The following NDUFAF6 variants were observed in gnomAD, a reference collection of about 807,000 sequenced individuals.
The protein encoded by NDUFAF6 is NADH dehydrogenase (ubiquinone) complex I, assembly factor 6.
NDUFAF6 carries 45 observed loss-of-function variants against 40.8 expected under a neutral mutation model. That is an observed-to-expected ratio of 1.10 (90% CI 0.87 to 1.42). NDUFAF6 has a LOEUF of 1.42. NDUFAF6 is among the 40% of genes most tolerant of loss of function. The probability of loss-of-function intolerance (pLI) is 0.00; values close to 1 mark genes in which losing one functional copy is unlikely to be tolerated. For missense variants in NDUFAF6, 435 were observed against 418.5 expected (o/e 1.04, Z -0.34); for synonymous variants, 185 against 155.9 (o/e 1.19, Z -1.39).
intron 2 of NDUFAF6, among the ~76,000 whole-genome samples, chr8:95,089,366 C>T (rs1809172718): frequency 6.6e-6 from 1 of 152,162 alleles, no homozygotes; most frequent in Non-Finnish European, 1.5e-5. Flanking sequence ...AGCCACCGTA[C>T]CCAGCCTCCA....
At chr8:94,911,119 G>A (rs1408405403) in intron 1 of NDUFAF6, among the ~76,000 whole-genome samples, 7 of 152,182 alleles carry the variant, frequency 4.6e-5, no homozygotes, top group South Asian at 2.1e-4. Context: ...ATTTGTTACC[G>A]TGAGAGCAGA....
chr8:95,105,066 CAGAGAGAGAGAGAGAGAGAG>C (rs55705930), downstream of NDUFAF6, among the ~76,000 whole-genome samples: 87 of 72,882 alleles, frequency 1.2e-3, 1 homozygote, highest in African/African-American at 2.7e-3. Context: ...CACACACACA[CAGAGAGAGAGAGAGAGAGAG>C]AGAGAGAGAG....
At chr8:94,918,380 G>A (rs1819276761) in intron 1 of NDUFAF6, among the ~76,000 whole-genome samples, 1 of 152,140 alleles carries the variant, frequency 6.6e-6, no homozygotes, top group Non-Finnish European at 1.5e-5. Flanking sequence ...TAAGCTGCCA[G>A]GGAAGCCACC....
At chr8:94,979,940 A>T (rs77275192) in intron 1 of NDUFAF6, among the ~76,000 whole-genome samples, 9 of 151,912 alleles carry the variant, frequency 5.9e-5, no homozygotes, top group African/African-American at 1.7e-4. Context: ...TACTGAAAAT[A>T]AAAAAAATCA....
intron 1 of NDUFAF6, chr8:94,926,824 A>C (rs1353435032): frequency 1.3e-5 from 2 of 152,234 alleles, no homozygotes; most frequent in Admixed American, 1.3e-4. Context: ...AAACTGATAC[A>C]TGGCAAGGCT....
chr8:94,910,473 C>T (rs150920661), intron 1 of NDUFAF6, among the ~76,000 whole-genome samples: 1 of 152,186 alleles, frequency 6.6e-6, no homozygotes, highest in Admixed American at 6.5e-5. Context: ...TTGATAGAGG[C>T]CTCTGAGCTT....
intron 9 of NDUFAF6, among the ~76,000 whole-genome samples, chr8:95,070,543 C>A (rs2132031499): frequency 6.6e-6 from 1 of 152,260 alleles, no homozygotes; most frequent in Middle Eastern, 3.4e-3. Flanking sequence ...TTTACTTCTT[C>A]TAACTTCAGA....
intron 9 of NDUFAF6, among the ~76,000 whole-genome samples, chr8:95,065,718 A>T (rs140182633): frequency 0.029 from 4,423 of 152,180 alleles, 76 homozygotes; most frequent in Non-Finnish European, 0.044. Context: ...ATATTCTCTG[A>T]AAAGCCAGCA....
intron 1 of NDUFAF6, among the ~76,000 whole-genome samples, chr8:94,970,253 C>CAAA (rs891358442): frequency 1.2e-3 from 75 of 60,892 alleles, no homozygotes; most frequent in Admixed American, 2.3e-3. Context: ...GACTCCGTCT[C>CAAA]AAAAAAAAAA....
At chr8:95,054,143 C>T (rs1291666777) in intron 8 of NDUFAF6, among the ~76,000 whole-genome samples, 1 of 150,824 alleles carries the variant, frequency 6.6e-6, no homozygotes, top group East Asian at 2.0e-4. Flanking sequence ...GATGGAATCT[C>T]AGTATGTTGT....
At position 94,919,967 on chromosome 8, in the gene NDUFAF6, A is replaced by AT. The variant is rs535300869; in HGVS notation, c.-936+24049dup. Among the ~76,000 whole-genome samples the AT allele has an allele frequency of 6.6e-4, 100 of 151,810 alleles. No homozygotes were observed. In the South Asian group the frequency reaches 0.011, roughly 16 times the overall value. Reference sequence around the variant, plus strand: ...AGCAGATTCAGGAAGGCTCTGTGGGATTTTTTTTTAACATAGAATTTCCTA... The same window carrying AT: ...AGCAGATTCAGGAAGGCTCTGTGGGATTTTTTTTTTAACATAGAATTTCCTA... On this transcript the variant is annotated intron_variant, in intron 1 of 14. Coordinates refer to the NDUFAF6 transcript ENST00000396113.
At position 94,977,895 on chromosome 8, in the gene NDUFAF6, A is replaced by G. The variant is rs574502823; in HGVS notation, c.-198-2964A>G. On this transcript the variant is annotated intron_variant, in intron 1 of 9. Transcript: ENST00000396111. The stretch of plus-strand genomic sequence containing the variant: ...AAGCTCTGTGACATTATGATATAAT[A>G]AAACATATCAGTGGTTTTCCTCCCC... Among the ~76,000 whole-genome samples the G allele has an allele frequency of 2.0e-5, 3 of 152,296 alleles. No individual in the cohort carries two copies. The South Asian group carries it at 6.2e-4, about 32-fold the overall frequency.
chr8:94,932,422 G>T (rs1386458643), intron 1 of NDUFAF6, among the ~76,000 whole-genome samples: 1 of 152,214 alleles, frequency 6.6e-6, no homozygotes, highest in Admixed American at 6.5e-5. Context: ...TTCATTTCCT[G>T]CTAAGAAAAC....
intron 1 of NDUFAF6, chr8:94,927,896 C>T (rs1039519122): frequency 8.4e-6 from 1 of 119,680 alleles, no homozygotes; most frequent in Non-Finnish European, 1.8e-5. Flanking sequence ...TTGTAAACCA[C>T]TAATATTTAC....
chr8:95,032,939 C>T (rs908027878), intron 2 of NDUFAF6, among the ~76,000 whole-genome samples: 3 of 152,194 alleles, frequency 2.0e-5, no homozygotes, highest in Non-Finnish European at 4.4e-5. Flanking sequence ...TTTTTCACCT[C>T]ATCCTTTTTC....
intron 1 of NDUFAF6, among the ~76,000 whole-genome samples, chr8:94,898,758 GTC>G (rs771514737): frequency 6.6e-6 from 1 of 152,114 alleles, no homozygotes; most frequent in Non-Finnish European, 1.5e-5. Context: ...TTAGAGATTT[GTC>G]TCTTTTTCCC....
chr8:94,948,021 G>T (rs1466638312), intron 2 of NDUFAF6, among the ~76,000 whole-genome samples: 1 of 152,124 alleles, frequency 6.6e-6, no homozygotes, highest in Non-Finnish European at 1.5e-5. Context: ...TGACCCCAAG[G>T]GTCACATTGT....
chr8:94,923,981 T>C (rs1460139655), intron 1 of NDUFAF6, among the ~76,000 whole-genome samples: 1 of 151,190 alleles, frequency 6.6e-6, no homozygotes, highest in Non-Finnish European at 1.5e-5. Flanking sequence ...AGCCACTGCG[T>C]CCAGCCTGAA....
At chr8:95,080,560 C>CGG (rs1808807102), downstream of NDUFAF6, among the ~76,000 whole-genome samples, 10 of 42,872 alleles carry the variant, frequency 2.3e-4, no homozygotes, top group East Asian at 1.1e-3. Flanking sequence ...GTGATTTTTT[C>CGG]TAGTGTATTT....
Sources: gnomAD v4.1 joint callset for allele counts (sites outside exome capture counted in the v4.1 genomes callset) on GRCh38, gnomAD v4.1.1 for gene constraint, MANE v1.5 for transcripts, NCBI Gene and HGNC (gene_info 2026-07-23, HGNC 2026-07-21) for gene names.